DEGS1: variants seen among roughly 807,000 people sequenced by gnomAD.
The protein encoded by DEGS1 is sphingolipid delta(4)-desaturase DES1.
DEGS1 carries 17 observed loss-of-function variants against 24.1 expected under a neutral mutation model. That is an observed-to-expected ratio of 0.70 (90% confidence interval 0.48 to 1.06). The LOEUF is 1.06. Ranked by LOEUF, DEGS1 falls within the 50% of genes least tolerant of loss-of-function variation. DEGS1 has a pLI of 0.00. For missense variants in DEGS1, 366 were observed against 408.9 expected, an observed-to-expected ratio of 0.90 and a Z score of 0.91; for synonymous variants, 134 against 140.0, an observed-to-expected ratio of 0.96 and a Z score of 0.30.
At chr1:224,183,571 C>T (rs1247626314) in intron 1 of DEGS1, 153 bp downstream of exon 1, 3 of 466,458 alleles carry the variant, frequency 6.4e-6, no homozygotes, top group Non-Finnish European at 1.0e-5. Context: ...GCCGCCAGCC[C>T]GCGGGTCAGC....
rs780472867 is a variant in DEGS1, at chr1:224,189,593, A to G, written c.99A>G (p.Ile33Met). Residue 33 changes from isoleucine to methionine, a missense_variant, in exon 2 of 3, where the codon ATA becomes ATG. Transcript: ENST00000323699. ...TCTTTACAGCAAAGTATCCAGAGAT[A>G]AAGTCCTTGATGAAACCTGATCCCA... ...RREILAKYPE[I>M]KSLMKPDPNL... 123 of 1,597,488 alleles carry G rather than the reference A, an allele frequency of 7.7e-5. 5 individuals are homozygous for G. In the Middle Eastern group the frequency reaches 0.012, roughly 152 times the overall value.
chr1:224,191,848 C>T (rs1411700052), intron 2 of DEGS1, among the ~76,000 whole-genome samples: 2 of 151,960 alleles, frequency 1.3e-5, no homozygotes, highest in East Asian at 1.9e-4. Context: ...CCACCCGCCT[C>T]GGCTTCCCAA....
At chr1:224,185,871 A>G (rs1384863937) in intron 1 of DEGS1, among the ~76,000 whole-genome samples, 1 of 152,112 alleles carries the variant, frequency 6.6e-6, no homozygotes, top group Non-Finnish European at 1.5e-5. Flanking sequence ...GTAAAAACCA[A>G]CTCTGGAATA....
At chr1:224,183,564 G>A in intron 1 of DEGS1, 146 bp downstream of exon 1, 2 of 546,922 alleles carry the variant, frequency 3.7e-6, no homozygotes, top group Non-Finnish European at 2.7e-6. Context: ...CGCTCGGGCC[G>A]CCAGCCCGCG....
intron 2 of DEGS1, 94 bp from the exon 3 acceptor site, chr1:224,192,238 C>A (rs1658556450): frequency 1.9e-6 from 2 of 1,076,660 alleles, no homozygotes; most frequent in Non-Finnish European, 2.6e-6. Flanking sequence ...CTCATGGTTT[C>A]CCTTCTCAGT....
At chr1:224,184,124 C>T (rs1019394834) in intron 1 of DEGS1, among the ~76,000 whole-genome samples, 1 of 152,208 alleles carries the variant, frequency 6.6e-6, no homozygotes, top group African/African-American at 2.4e-5. Flanking sequence ...TTTCATCCAT[C>T]TCGGTTTTGT....
Position 224,192,582 on chromosome 1 carries a change from C to A in DEGS1, c.*104C>A. On this transcript the variant is annotated 3_prime_UTR_variant, in exon 3 of 3. Coordinates refer to ENST00000323699, the MANE Select transcript of DEGS1 (RefSeq NM_003676.4). ...CAGTGATGCTCAGAAGCTCCCCTGG[C>A]ACAATTTCAGAGTAAGAGCTCGGTG... The A allele has an allele frequency of 2.6e-6, 3 of 1,143,534 alleles. No homozygotes were observed. The highest frequency in any genetic ancestry group is 2.5e-6 in the Non-Finnish European group (2 of 807,992). 70.8% of individuals were successfully genotyped at this position (1,143,534 alleles called of 1,614,324 possible).
Position 224,192,411 on chromosome 1 carries a change from T to G in DEGS1, c.905T>G (p.Met302Arg). 6.2e-7 allele frequency: 1 copy of G among 1,613,560 alleles called. No homozygotes were observed. Among genetic ancestry groups the G allele is most frequent in the South Asian group, 1.1e-5 (1 of 90,994 alleles). ...ATAAAAGTACTGTATGATTTTGTGA[T>G]GGATGATACAATAAGTCCCTACTCA... ...SWIKVLYDFV[M>R]DDTISPYSRM... Residue 302 changes from methionine (M) to arginine (R), a missense_variant, in exon 3 of 3, where the codon ATG (methionine) becomes AGG (arginine). Coordinates refer to ENST00000323699, the MANE Select transcript of DEGS1 (RefSeq NM_003676.4).
At chr1:224,188,998 G>C (rs1184913180) in intron 1 of DEGS1, among the ~76,000 whole-genome samples, 1 of 152,118 alleles carries the variant, frequency 6.6e-6, no homozygotes, top group African/African-American at 2.4e-5. Context: ...TGTAAGGTAG[G>C]GGTCTGAATC....
intron 1 of DEGS1, among the ~76,000 whole-genome samples, chr1:224,184,024 G>T (rs1658310564): frequency 6.6e-6 from 1 of 152,240 alleles, no homozygotes; most frequent in Non-Finnish European, 1.5e-5. Context: ...GGGCTTCTCG[G>T]ACTTGATGGG....
chr1:224,185,742 C>T (rs1351224006), intron 1 of DEGS1, among the ~76,000 whole-genome samples: 3 of 152,266 alleles, frequency 2.0e-5, no homozygotes, highest in East Asian at 3.9e-4. Context: ...GATGCGCCTG[C>T]CATGGCCTCC....
chr1:224,192,120 G>A (rs918188090), intron 2 of DEGS1, among the ~76,000 whole-genome samples: 5 of 151,858 alleles, frequency 3.3e-5, no homozygotes, highest in South Asian at 2.1e-4. Context: ...CTAGAGGGTC[G>A]AGTGTATTCA....
At chr1:224,184,735 C>G (rs957034069) in intron 1 of DEGS1, among the ~76,000 whole-genome samples, 1 of 152,070 alleles carries the variant, frequency 6.6e-6, no homozygotes, top group Non-Finnish European at 1.5e-5. Flanking sequence ...AGGCTTATCT[C>G]GAACTCCTGA....
Position 224,183,357 on chromosome 1 carries a change from G to T in DEGS1, c.21G>T (p.Arg7=), listed in dbSNP as rs769014103. MGSRVS[R]EDFEWVYTDQ... is the part of the protein sequence containing the mutation. Reference sequence around the variant, plus strand: ...TCGCCATGGGGAGCCGCGTCTCGCGGGAAGACTTCGAGTGGGTCTACACCG... The same window carrying T: ...TCGCCATGGGGAGCCGCGTCTCGCGTGAAGACTTCGAGTGGGTCTACACCG... The change falls in exon 1 of 3, where the codon CGG becomes CGT. Residue 7 remains arginine, a synonymous_variant. Transcript: ENST00000323699. 1.4e-6 allele frequency: 2 copies of T among 1,479,996 alleles called. No individual in the cohort carries two copies. The highest frequency in any genetic ancestry group is 1.8e-6 in the Non-Finnish European group (2 of 1,113,256). The allele number at this position is 1,479,996 out of a possible 1,614,324, so 91.7% of individuals were successfully genotyped here.
Position 224,192,325 on chromosome 1 carries a change from C to T in DEGS1, c.826-7C>T. The T allele has an allele frequency of 1.9e-6, 3 of 1,606,382 alleles. No homozygotes were observed. The highest frequency in any genetic ancestry group is 1.7e-5 in the Admixed American group (1 of 57,742). On this transcript the variant is annotated splice_polypyrimidine_tract_variant and splice_region_variant and intron_variant, in intron 2 of 2. Coordinates refer to ENST00000323699, the MANE Select transcript of DEGS1 (RefSeq NM_003676.4). ...TTTTTCATCTTGCTGTATTTTTTCC[C>T]TTCTAGGTGAGGAAAATAGCAGCTG...
At chr1:224,191,573 T>G (rs1317624585) in intron 2 of DEGS1, among the ~76,000 whole-genome samples, 1 of 149,950 alleles carries the variant, frequency 6.7e-6, no homozygotes. Flanking sequence ...ATGGCAGAAT[T>G]GCACATTTGA....
chr1:224,186,620 G>T (rs2102653636), intron 1 of DEGS1, among the ~76,000 whole-genome samples: 1 of 151,224 alleles, frequency 6.6e-6, no homozygotes, highest in East Asian at 1.9e-4. Context: ...GGCCGAGGCA[G>T]GAGAATGGCG....
At chr1:224,187,899 A>G (rs1044367831) in intron 1 of DEGS1, among the ~76,000 whole-genome samples, 2 of 152,064 alleles carry the variant, frequency 1.3e-5, no homozygotes, top group Admixed American at 6.6e-5. Context: ...TTTCATATAC[A>G]TGAAATCATA....
intron 1 of DEGS1, chr1:224,183,642 A>G (rs1269601307): frequency 1.2e-5 from 4 of 334,840 alleles, no homozygotes; most frequent in African/African-American, 8.7e-5. Context: ...CGCAGCTCCG[A>G]CCCTTCCGCG....
Sources: allele counts gnomAD v4.1 joint callset (sites outside exome capture counted in the v4.1 genomes callset), GRCh38; gene constraint gnomAD v4.1.1; transcripts MANE v1.5; gene names NCBI Gene and HGNC (gene_info 2026-07-23, HGNC 2026-07-21).